The following ACP6 variants were observed in gnomAD, a reference collection of about 807,000 sequenced individuals.
ACP6 encodes the protein lysophosphatidic acid phosphatase type 6.
ACP6 carries 48 observed loss-of-function variants against 48.1 expected under a neutral mutation model. The ratio of observed to expected loss-of-function variants is 1.00; its 90% CI spans 0.79 to 1.27. ACP6 has a LOEUF of 1.27. Among genes scored for constraint, ACP6 ranks in the 50% most tolerant of loss-of-function variants. The pLI is 0.00. For missense variants in ACP6, 485 were observed against 529.1 expected, an observed-to-expected ratio of 0.92 and a Z score of 0.82; for synonymous variants, 172 against 204.2, an observed-to-expected ratio of 0.84 and a Z score of 1.34.
chr1:147,639,492 C>T (rs1553208392), downstream of ACP6, among the ~76,000 whole-genome samples: 1 of 152,196 alleles, frequency 6.6e-6, no homozygotes. Context: ...TTGACCCCAT[C>T]AAGTTCTACT....
downstream of ACP6, among the ~76,000 whole-genome samples, chr1:147,642,059 A>G (rs1379992352): frequency 1.3e-5 from 2 of 152,202 alleles, no homozygotes; most frequent in South Asian, 4.1e-4. Context: ...CCATTTTTAC[A>G]TGAGAGGAAA....
At chr1:147,640,707 C>T (rs1014115192), downstream of ACP6, among the ~76,000 whole-genome samples, 1 of 152,180 alleles carries the variant, frequency 6.6e-6, no homozygotes, top group Non-Finnish European at 1.5e-5. Context: ...CTCTTGAGTT[C>T]TCAGACATGG....
intron 1 of ACP6, among the ~76,000 whole-genome samples, chr1:147,661,846 A>G (rs1553212814): frequency 6.6e-6 from 1 of 152,234 alleles, no homozygotes; most frequent in East Asian, 1.9e-4. Flanking sequence ...AACAGCCTAT[A>G]TAGGAAGAAG....
At position 147,647,432 on chromosome 1, in the gene ACP6, A is replaced by T; in HGVS notation, c.1278T>A (p.Asn426Lys). ...TGCTTTTATAAATCAGTTACTCTTC[A>T]TTTCCAACTTCCATCACCTGAGTTT... The part of the protein sequence containing the change: ...CSQTQVMEVG[N>K]EE Residue 426 changes from asparagine to lysine, a missense_variant, in exon 10 of 10, where the codon AAT (asparagine) becomes AAA (lysine). By Grantham distance (94) the Asn-to-Lys change is moderately conservative. Coordinates refer to ENST00000583509, the MANE Select transcript of ACP6 (RefSeq NM_016361.5). 3.7e-6 allele frequency: 6 copies of T among 1,614,076 alleles called. No individual in the cohort carries two copies. The highest frequency in any genetic ancestry group is 5.1e-6 in the Non-Finnish European group (6 of 1,180,030).
intron 9 of ACP6, 104 bp from the exon 10 acceptor site, chr1:147,647,670 T>C: frequency 2.8e-6 from 4 of 1,419,442 alleles, no homozygotes; most frequent in Non-Finnish European, 3.7e-6. Context: ...GTGGTATACA[T>C]GTGCATACAT....
At chr1:147,637,400 C>G (rs1215353551), downstream of ACP6, among the ~76,000 whole-genome samples, 1 of 152,218 alleles carries the variant, frequency 6.6e-6, no homozygotes, top group Non-Finnish European at 1.5e-5. Flanking sequence ...CTGCAACTTA[C>G]ACAATACTGT....
chr1:147,670,343 T>C lies in ACP6; in HGVS notation c.-295A>G, dbSNP rs587701495. On this transcript the variant is annotated 5_prime_UTR_variant, in exon 1 of 10. Coordinates refer to ENST00000583509, the MANE Select transcript of ACP6 (RefSeq NM_016361.5). The stretch of plus-strand genomic sequence containing the variant: ...CCGGGGGAGATCGGATCCTTATCTT[T>C]TGCCCGACGAGGAACATTAAACTTG... 1.9e-5 allele frequency: 6 copies of C among 311,698 alleles called. No homozygotes were observed. The South Asian group carries it at 6.8e-4, about 35-fold the overall frequency. The allele number at this position is 311,698 out of a possible 1,614,324, so 19.3% of individuals were successfully genotyped here. A position where few individuals can be genotyped will look rare whatever the true frequency, so the allele number is the denominator to read the frequency against.
chr1:147,655,017 A>G, intron 5 of ACP6, 144 bp downstream of exon 5: 1 of 628,870 alleles, frequency 1.6e-6, no homozygotes. Flanking sequence ...AGCTGATGTC[A>G]CACTTAAGTG....
intron 5 of ACP6, among the ~76,000 whole-genome samples, chr1:147,631,331 A>G (rs1659157744): frequency 6.6e-6 from 1 of 152,196 alleles, no homozygotes; most frequent in African/African-American, 2.4e-5. Context: ...TTTACTCCTC[A>G]TGTAAAACCA....
In ACP6 at chr1:147,670,202, C is replaced by A. The variant is rs1277902936; in HGVS notation, c.-154G>T. On this transcript the variant is annotated 5_prime_UTR_variant, in exon 1 of 10. Transcript: ENST00000583509. ...AGCAAGCAGGGACCGCTGTGCCTCC[C>A]GGCCCTGAGGGAGACCCCGAGTGGG... The A allele has an allele frequency of 7.3e-6, 5 of 681,452 alleles. No individual in the cohort carries two copies. In the Admixed American group the frequency reaches 1.5e-4, roughly 21 times the overall value. 42.2% of individuals were successfully genotyped at this position (681,452 alleles called of 1,614,324 possible).
intron 1 of ACP6, among the ~76,000 whole-genome samples, chr1:147,663,637 C>G (rs1427216016): frequency 6.6e-6 from 1 of 152,044 alleles, no homozygotes; most frequent in East Asian, 1.9e-4. Context: ...ACAGCAAGAC[C>G]CCATCTCTTA....
intron 1 of ACP6, among the ~76,000 whole-genome samples, chr1:147,661,841 C>G (rs1397999648): frequency 6.6e-6 from 1 of 152,110 alleles, no homozygotes; most frequent in Non-Finnish European, 1.5e-5. Flanking sequence ...GAAGAAACAG[C>G]CTATATAGGA....
At chr1:147,652,799 T>A (rs1660009667) in intron 6 of ACP6, among the ~76,000 whole-genome samples, 1 of 144,654 alleles carries the variant, frequency 6.9e-6, no homozygotes, top group Admixed American at 7.0e-5. Context: ...TGACTCCCCA[T>A]CCACTCAAAA....
intron 4 of ACP6, among the ~76,000 whole-genome samples, chr1:147,657,038 T>G (rs1419263107): frequency 5.3e-5 from 8 of 152,226 alleles, no homozygotes; most frequent in African/African-American, 1.7e-4. Context: ...TTTTGGTATC[T>G]GCCCGGGGAG....
chr1:147,641,104 C>G (rs1439485202), downstream of ACP6, among the ~76,000 whole-genome samples: 1 of 152,194 alleles, frequency 6.6e-6, no homozygotes, highest in Non-Finnish European at 1.5e-5. Flanking sequence ...CCCCTCCCCC[C>G]ACAGCCCGCC....
At chr1:147,650,949 T>C (rs927275078) in intron 7 of ACP6, 4 of 152,204 alleles carry the variant, frequency 2.6e-5, no homozygotes, top group Non-Finnish European at 4.4e-5. Flanking sequence ...CTTCAGAGAC[T>C]GGTCTTCTCC....
rs201634452 is a variant in ACP6, at chr1:147,648,328, G to A, written c.1061C>T (p.Pro354Leu). ...TTCCATGGTCAGGTCAACAGCAAAC[G>A]GTGGCCATTTGTGGTCAAAAATCCC... ...TLGIFDHKWP[P>L]FAVDLTMELY... Residue 354 changes from proline (P) to leucine (L), a missense_variant, in exon 9 of 10, where the codon CCG (proline) becomes CTG (leucine). Transcript: ENST00000583509. 2.0e-5 allele frequency: 33 copies of A among 1,614,018 alleles called. No homozygotes were observed. Among genetic ancestry groups the A allele is most frequent in the African/African-American group, 4.0e-5 (3 of 74,872 alleles).
intron 9 of ACP6, chr1:147,648,001 G>T: frequency 1.9e-6 from 1 of 538,726 alleles, no homozygotes; most frequent in Admixed American, 3.4e-5. Flanking sequence ...GAAGAGGAGG[G>T]GGACCCTGTT....
chr1:147,653,415 C>T (rs587709034), intron 6 of ACP6, among the ~76,000 whole-genome samples: 36 of 149,784 alleles, frequency 2.4e-4, no homozygotes, highest in African/African-American at 7.6e-4. Flanking sequence ...AGGCATGAGC[C>T]GCCATGCCTG....
Sources: allele counts gnomAD v4.1 joint callset (sites outside exome capture counted in the v4.1 genomes callset), GRCh38; gene constraint gnomAD v4.1.1; transcripts MANE v1.5; gene names NCBI Gene and HGNC (gene_info 2026-07-23, HGNC 2026-07-21).